ZER1: variants seen among roughly 807,000 people sequenced by gnomAD.
The protein encoded by ZER1 is protein zer-1 homolog.
A neutral mutation model predicts 78.8 loss-of-function variants in ZER1; 11 were observed. The observed-to-expected ratio is 0.14, with a 90% CI of 0.09 to 0.23. ZER1 has a LOEUF of 0.23. Ranked by LOEUF, ZER1 falls within the 10% of genes least tolerant of loss-of-function variation. ZER1 has a pLI of 1.00. For synonymous variants in ZER1, 400 were observed against 407.0 expected, an observed-to-expected ratio of 0.98 and a Z score of 0.21; for missense variants, 588 against 996.9, an observed-to-expected ratio of 0.59 and a Z score of 5.52.
intron 1 of ZER1, among the ~76,000 whole-genome samples, 179 bp downstream of exon 1, chr9:128,771,402 A>T (rs1864379223): frequency 6.6e-6 from 1 of 152,084 alleles, no homozygotes; most frequent in Non-Finnish European, 1.5e-5. Flanking sequence ...GGAGGAAGGG[A>T]GCTCAGTTTT....
chr9:128,730,569 CCT>C lies in ZER1; in HGVS notation c.*766_*767del, dbSNP rs1370932994. 7 of 152,720 alleles carry C rather than the reference CCT, an allele frequency of 4.6e-5. No homozygotes were observed. Among genetic ancestry groups the C allele is most frequent in the African/African-American group, 1.4e-4 (6 of 41,404 alleles). 9.5% of individuals were successfully genotyped at this position (152,720 alleles called of 1,614,324 possible). A position where few individuals can be genotyped will look rare whatever the true frequency, so the allele number is the denominator to read the frequency against. ...GGCAGAAGGGGCAGTGGAATCTGCC[CCT>C]GAGTTCTGACCATCCCTGGGCTGGG... On this transcript the variant is annotated 3_prime_UTR_variant, in exon 16 of 16. Transcript: ENST00000291900.
intron 14 of ZER1, among the ~76,000 whole-genome samples, chr9:128,734,374 T>A (rs1465303678): frequency 6.7e-6 from 1 of 150,300 alleles, no homozygotes; most frequent in Non-Finnish European, 1.5e-5. Context: ...TTTTTGTATT[T>A]TTAGTAGAGA....
At chr9:128,747,825 G>T (rs1465108287) in intron 8 of ZER1, among the ~76,000 whole-genome samples, 2 of 152,172 alleles carry the variant, frequency 1.3e-5, no homozygotes. Context: ...CACCATGTTG[G>T]CCAGGCTGGT....
intron 5 of ZER1, among the ~76,000 whole-genome samples, chr9:128,752,385 C>T (rs1012554897): frequency 9.2e-5 from 14 of 151,474 alleles, no homozygotes; most frequent in African/African-American, 4.9e-5. Context: ...AGTGCAGTGG[C>T]GCGATCTCAG....
At position 128,754,263 on chromosome 9, in the gene ZER1, A is replaced by G. The variant is rs1863785981; in HGVS notation, c.159-304T>C. ...CTGCAGGGGCAGCAGCCCCACTGGCATGGCCACTCTCGTCACCTTCTTTAA... is the reference window on the plus strand; with the variant it reads ...CTGCAGGGGCAGCAGCCCCACTGGCGTGGCCACTCTCGTCACCTTCTTTAA... On this transcript the variant is annotated intron_variant, in intron 2 of 15. Coordinates refer to ENST00000291900, the MANE Select transcript of ZER1 (RefSeq NM_006336.4). The surrounding 1 kb of genome is among the most constrained non-coding windows in gnomAD (Gnocchi z 4.3). Among the ~76,000 whole-genome samples the G allele has an allele frequency of 6.6e-6, 1 of 152,204 alleles. No individual in the cohort carries two copies. The highest frequency in any genetic ancestry group is 2.4e-5 in the African/African-American group (1 of 41,470).
At chr9:128,742,058 G>T (rs1195247602) in intron 9 of ZER1, among the ~76,000 whole-genome samples, 1 of 152,182 alleles carries the variant, frequency 6.6e-6, no homozygotes, top group African/African-American at 2.4e-5. Flanking sequence ...CCTGGCCCTC[G>T]GGTGACTCCC....
Position 128,741,387 on chromosome 9 carries a change from G to C in ZER1, c.1737+148C>G, listed in dbSNP as rs962735561. 6 of 1,221,132 alleles carry C rather than the reference G, an allele frequency of 4.9e-6. No homozygotes were observed. In the Admixed American group the frequency reaches 9.5e-5, roughly 19 times the overall value. 75.6% of individuals were successfully genotyped at this position (1,221,132 alleles called of 1,614,324 possible). Reference sequence around the variant, plus strand: ...GAGCTTCTGTCAGCAGCAAATCCTGGGTGGGTGGGCCTGAGTCTGTCCCCA... The same window carrying C: ...GAGCTTCTGTCAGCAGCAAATCCTGCGTGGGTGGGCCTGAGTCTGTCCCCA... On this transcript the variant is annotated intron_variant, in intron 11 of 15. Coordinates refer to ENST00000291900, the MANE Select transcript of ZER1 (RefSeq NM_006336.4).
rs1268105305 is a variant in ZER1 at position 128,730,024 on chromosome 9, T to G, written c.*1313A>C. The G allele has an allele frequency of 6.6e-6, 1 of 152,248 alleles. No homozygotes were observed. Among genetic ancestry groups the G allele is most frequent in the East Asian group, 1.9e-4 (1 of 5,184 alleles). 9.4% of individuals were successfully genotyped at this position (152,248 alleles called of 1,614,324 possible). On this transcript the variant is annotated 3_prime_UTR_variant, in exon 16 of 16. Transcript: ENST00000291900. ...CCAGGAGAAAAAGGCCAGGTGTCTC[T>G]CCCAAAGCTGCTCACCCCTGCCGTC...
intron 1 of ZER1, among the ~76,000 whole-genome samples, chr9:128,768,940 C>T (rs1864298866): frequency 6.6e-6 from 1 of 152,062 alleles, no homozygotes; most frequent in South Asian, 2.1e-4. Flanking sequence ...ATTTGCTGGG[C>T]TCATTTTAAT....
rs925528741 is a variant in ZER1 at position 128,754,420 on chromosome 9, A to G, written c.159-461T>C. On this transcript the variant is annotated intron_variant, in intron 2 of 15. Transcript: ENST00000291900. The surrounding 1 kb of genome is among the most constrained non-coding windows in gnomAD (Gnocchi z 4.3). ...ATGCAAGAATCCTGGTCTGCTGGGAAATGCTTTGGATTCAAACGCTTTAGA... is the reference window on the plus strand; with the variant it reads ...ATGCAAGAATCCTGGTCTGCTGGGAGATGCTTTGGATTCAAACGCTTTAGA... Among the ~76,000 whole-genome samples, 14 of 152,208 alleles carry G rather than the reference A, an allele frequency of 9.2e-5. No individual in the cohort carries two copies. The highest frequency in any genetic ancestry group is 3.4e-4 in the African/African-American group (14 of 41,460).
At position 128,740,698 on chromosome 9, in the gene ZER1, G is replaced by A. The variant is rs1044704234; in HGVS notation, c.1853+74C>T. 1.4e-6 allele frequency: 1 copy of A among 734,926 alleles called. No individual in the cohort carries two copies. The allele number at this position is 734,926 out of a possible 1,614,324, so 45.5% of individuals were successfully genotyped here. The stretch of plus-strand genomic sequence containing the variant: ...GCAAACCTAGGCTAAGAGCAGTTGT[G>A]CAACTGAGCAAACGCTAGAGCTCTG... On this transcript the variant is annotated intron_variant, in intron 12 of 15. Coordinates refer to ENST00000291900, the MANE Select transcript of ZER1 (RefSeq NM_006336.4). This position sits in a 1 kb window ranked among gnomAD's most constrained non-coding sequence, Gnocchi z 4.4.
chr9:128,731,425 G>T, intron 15 of ZER1, 31 bp from the exon 16 acceptor site: 3 of 1,417,130 alleles, frequency 2.1e-6, no homozygotes, highest in Non-Finnish European at 3.0e-6. Flanking sequence ...AGGATTGGAG[G>T]GTGGGCTTGG....
In ZER1 at chr9:128,771,922, A is replaced by C. The variant is rs1864401010; in HGVS notation, c.-436T>G. Reference sequence around the variant, plus strand: ...AGCCGCCGCCGCCTCCGCTGTCAACAAACCCGGGGCGCGTCACTTCCGGGG... The same window carrying C: ...AGCCGCCGCCGCCTCCGCTGTCAACCAACCCGGGGCGCGTCACTTCCGGGG... On this transcript the variant is annotated 5_prime_UTR_variant, in exon 1 of 16. Transcript: ENST00000291900. 6.6e-6 allele frequency: 1 copy of C among 152,176 alleles called. No individual in the cohort carries two copies. Among genetic ancestry groups the C allele is most frequent in the Non-Finnish European group, 1.5e-5 (1 of 68,058 alleles). The allele number at this position is 152,176 out of a possible 1,614,324, so 9.4% of individuals were successfully genotyped here.
intron 1 of ZER1, among the ~76,000 whole-genome samples, chr9:128,770,973 C>T (rs1378126456): frequency 6.6e-6 from 1 of 152,130 alleles, no homozygotes; most frequent in African/African-American, 2.4e-5. Context: ...AGTTCGAGAC[C>T]AGCTTGGGTA....
intron 5 of ZER1, among the ~76,000 whole-genome samples, chr9:128,752,320 ATACT>A (rs1390744457): frequency 6.6e-6 from 1 of 151,390 alleles, no homozygotes; most frequent in East Asian, 1.9e-4. Flanking sequence ...TACTTGGCAA[ATACT>A]TTCTTTTTTT....
intron 8 of ZER1, among the ~76,000 whole-genome samples, chr9:128,743,628 C>T (rs2132419131): frequency 1.3e-5 from 2 of 152,136 alleles, no homozygotes; most frequent in Middle Eastern, 3.4e-3. Flanking sequence ...CTATGTTGTC[C>T]AGGCTGGCCT....
At position 128,735,320 on chromosome 9, in the gene ZER1, A is replaced by G. The variant is rs750356170; in HGVS notation, c.2140+14T>C. ...CTGGATGAGTGTCTGAACCCAGGAC[A>G]AGTTGGCACTCACGGTAGACAGACA... On this transcript the variant is annotated intron_variant, in intron 14 of 15. Coordinates refer to ENST00000291900, the MANE Select transcript of ZER1 (RefSeq NM_006336.4). 3.7e-6 allele frequency: 6 copies of G among 1,608,962 alleles called. No individual in the cohort carries two copies. Among genetic ancestry groups the G allele is most frequent in the South Asian group, 1.1e-5 (1 of 90,484 alleles).
At chr9:128,737,584 G>A (rs148634437) in intron 13 of ZER1, among the ~76,000 whole-genome samples, 39 of 152,330 alleles carry the variant, frequency 2.6e-4, no homozygotes, top group Middle Eastern at 3.4e-3. Flanking sequence ...AGGAATTGAT[G>A]CCAGCTTGAC....
Position 128,752,869 on chromosome 9 carries a change from G to T in ZER1, c.747-20C>A, listed in dbSNP as rs12341940. On this transcript the variant is annotated intron_variant, in intron 4 of 15. Transcript: ENST00000291900. The stretch of plus-strand genomic sequence containing the variant: ...AGGTGTCTGAAGATTGGGGTAGGGG[G>T]TGCAGGTTAGGAGCTGGGTACAGGG... The T allele has an allele frequency of 0.017, 26,558 of 1,608,584 alleles. 3,601 individuals carry two copies. In the African/African-American group the frequency reaches 0.3, roughly 18 times the overall value.
Sources: gnomAD v4.1 joint callset for allele counts (sites outside exome capture counted in the v4.1 genomes callset) on GRCh38, gnomAD v4.1.1 for gene constraint, Gnocchi (gnomAD v3.1) non-coding constraint, MANE v1.5 for transcripts, NCBI Gene and HGNC (gene_info 2026-07-23, HGNC 2026-07-21) for gene names.